ATF3: variants seen among roughly 807,000 people sequenced by gnomAD.
The protein encoded by ATF3 is cyclic AMP-dependent transcription factor ATF-3.
ATF3 carries 10 observed loss-of-function variants against 18.4 expected under a neutral mutation model. The observed-to-expected ratio is 0.54, with a 90% confidence interval of 0.34 to 0.92. The LOEUF (loss-of-function observed/expected upper bound fraction) is 0.92, where lower values mean the gene tolerates loss of function less well. ATF3 is among the 40% of genes least tolerant of loss of function. ATF3 has a pLI of 0.02. For synonymous variants in ATF3, 78 were observed against 87.9 expected, an observed-to-expected ratio of 0.89 and a Z score of 0.63; for missense variants, 183 against 222.3, an observed-to-expected ratio of 0.82 and a Z score of 1.12.
chr1:212,608,669 C>T (rs1372627182), upstream of ATF3: 12 of 152,418 alleles, frequency 7.9e-5, no homozygotes, highest in Non-Finnish European at 2.9e-5. Flanking sequence ...CTATTAATAG[C>T]ATTACGTCAG....
chr1:212,618,323 C>A lies in ATF3; in HGVS notation c.348+89C>A, dbSNP rs1378573948. On this transcript the variant is annotated intron_variant, in intron 3 of 3. Transcript: ENST00000341491. This position sits in a 1 kb window ranked among gnomAD's most constrained non-coding sequence, Gnocchi z 4.4. ...TATCAGAAGAAGAGTTAGAAAACCC[C>A]CTACTTGGTTATAGTTTCCCAAGAA... 1 of 1,362,110 alleles carries A rather than the reference C, an allele frequency of 7.3e-7. No homozygotes were observed. The highest frequency in any genetic ancestry group is 1.4e-5 in the African/African-American group (1 of 69,926). The allele number at this position is 1,362,110 out of a possible 1,614,324, so 84.4% of individuals were successfully genotyped here.
At position 212,619,144 on chromosome 1, in the gene ATF3, G is replaced by A. The variant is rs770096732; in HGVS notation, c.349-214G>A. 281 of 1,613,844 alleles carry A rather than the reference G, an allele frequency of 1.7e-4. No individual in the cohort carries two copies. Among genetic ancestry groups the A allele is most frequent in the Non-Finnish European group, 2.1e-4 (243 of 1,180,040 alleles). On this transcript the variant is annotated intron_variant, in intron 3 of 3. Transcript: ENST00000341491. The surrounding 1 kb of genome is among the most constrained non-coding windows in gnomAD (Gnocchi z 4.4). Reference sequence around the variant, plus strand: ...CAGCTTCAGTATTAGCAGAGCCACAGGCCGCCTCTGTGGCATCACCAGGGT... The same window carrying A: ...CAGCTTCAGTATTAGCAGAGCCACAAGCCGCCTCTGTGGCATCACCAGGGT...
Position 212,597,911 on chromosome 1 carries a change from GC to G in ATF3, c.-4-17103del, listed in dbSNP as rs1261338256. ...TTATTCTTTCCTGGATTCCATCTCA[GC>G]CCCTGGCACATGGTAGGCATTCAAG... On this transcript the variant is annotated intron_variant, in intron 1 of 3. Transcript: ENST00000366981. Among the ~76,000 whole-genome samples, 3 of 152,180 alleles carry G rather than the reference GC, an allele frequency of 2.0e-5. No individual in the cohort carries two copies. The East Asian group carries it at 5.8e-4, about 29-fold the overall frequency.
intron 1 of ATF3, among the ~76,000 whole-genome samples, chr1:212,574,670 G>A (rs1664542159): frequency 6.6e-6 from 1 of 151,982 alleles, no homozygotes; most frequent in Non-Finnish European, 1.5e-5. Context: ...TTTCACATCT[G>A]TGTCTTTAAT....
intron 1 of ATF3, among the ~76,000 whole-genome samples, chr1:212,595,002 A>G (rs987366815): frequency 6.6e-6 from 1 of 152,226 alleles, no homozygotes; most frequent in Non-Finnish European, 1.5e-5. Flanking sequence ...GGATAATTGC[A>G]GGGTTGTCAA....
intron 1 of ATF3, among the ~76,000 whole-genome samples, chr1:212,612,970 A>G (rs1278226006): frequency 1.3e-5 from 2 of 152,184 alleles, no homozygotes; most frequent in Non-Finnish European, 2.9e-5. Flanking sequence ...TAGTTCCTCA[A>G]TTCCTCATAG....
In ATF3 at chr1:212,618,771, A is replaced by G. The variant is rs918354885; in HGVS notation, c.348+537A>G. On this transcript the variant is annotated intron_variant, in intron 3 of 3. Coordinates refer to ENST00000341491, the MANE Select transcript of ATF3 (RefSeq NM_001674.4). The surrounding 1 kb of genome is among the most constrained non-coding windows in gnomAD (Gnocchi z 4.4). ...TCAGCCGGCCCGCCTGAGAGACACTAGGGGAAATAGCTTTTGTGGGCAAGC... is the reference window on the plus strand; with the variant it reads ...TCAGCCGGCCCGCCTGAGAGACACTGGGGGAAATAGCTTTTGTGGGCAAGC... 5.6e-6 allele frequency: 3 copies of G among 535,490 alleles called. No homozygotes were observed. The highest frequency in any genetic ancestry group is 1.0e-5 in the Non-Finnish European group (3 of 298,152). 33.2% of individuals were successfully genotyped at this position (535,490 alleles called of 1,614,324 possible). A position where few individuals can be genotyped will look rare whatever the true frequency, so the allele number is the denominator to read the frequency against.
chr1:212,569,613 T>G (rs1310367411), intron 1 of ATF3, among the ~76,000 whole-genome samples: 1 of 152,088 alleles, frequency 6.6e-6, no homozygotes. Flanking sequence ...GGCTTTTTTT[T>G]TTCACTCGAA....
chr1:212,598,472 T>C (rs1445874363), intron 1 of ATF3, among the ~76,000 whole-genome samples: 1 of 152,242 alleles, frequency 6.6e-6, no homozygotes, highest in African/African-American at 2.4e-5. Context: ...CTCAATCCAA[T>C]TATACTCTTC....
chr1:212,615,429 G>A (rs1287159581), intron 2 of ATF3, among the ~76,000 whole-genome samples, 168 bp downstream of exon 2: 1 of 152,110 alleles, frequency 6.6e-6, no homozygotes, highest in Non-Finnish European at 1.5e-5. Context: ...CATAACATAC[G>A]TAAGTACACG....
At chr1:212,586,533 C>T (rs1258119468) in intron 1 of ATF3, among the ~76,000 whole-genome samples, 5 of 152,182 alleles carry the variant, frequency 3.3e-5, no homozygotes, top group South Asian at 2.1e-4. Context: ...ATGACTACAT[C>T]GGTATGAGTT....
chr1:212,576,036 G>T (rs543702157), intron 1 of ATF3, among the ~76,000 whole-genome samples: 1 of 152,014 alleles, frequency 6.6e-6, no homozygotes, highest in East Asian at 1.9e-4. Flanking sequence ...AATTTTTGTC[G>T]TTTAAAGCAG....
chr1:212,567,016 G>A (rs1340145153), intron 1 of ATF3, among the ~76,000 whole-genome samples: 2 of 152,120 alleles, frequency 1.3e-5, no homozygotes, highest in Non-Finnish European at 2.9e-5. Flanking sequence ...ATTAACCTAG[G>A]GGTAGCGATT....
intron 1 of ATF3, among the ~76,000 whole-genome samples, chr1:212,585,666 C>T (rs1037519293): frequency 1.3e-5 from 2 of 152,208 alleles, no homozygotes; most frequent in Non-Finnish European, 2.9e-5. Flanking sequence ...TTTCTGAACC[C>T]TCCCTCTGTC....
chr1:212,579,660 C>T (rs545668753), intron 1 of ATF3, among the ~76,000 whole-genome samples: 3 of 152,248 alleles, frequency 2.0e-5, no homozygotes, highest in East Asian at 1.9e-4. Context: ...CTGGCTCTGC[C>T]CTTGCCTAGT....
At position 212,618,131 on chromosome 1, in the gene ATF3, C is replaced by A. The variant is rs1003046898; in HGVS notation, c.245C>A (p.Ala82Asp). The A allele has an allele frequency of 6.2e-7, 1 of 1,613,994 alleles. No individual in the cohort carries two copies. Residue 82 changes from alanine (A) to aspartate (D), a missense_variant, in exon 3 of 4, where the codon GCC (alanine) becomes GAC (aspartate). Physicochemically the swap from Ala to Asp is moderately radical, Grantham distance 126. Coordinates refer to ENST00000341491, the MANE Select transcript of ATF3 (RefSeq NM_001674.4). This position sits in a 1 kb window ranked among gnomAD's most constrained non-coding sequence, Gnocchi z 4.4. ...LGVSITKAEV[A>D]PEEDERKKRR... ...TGTTTCTTTTGGATTTTACAGGTAG[C>A]CCCTGAAGAAGATGAAAGGAAAAAG...
chr1:212,580,465 C>T (rs1281766645), intron 1 of ATF3, among the ~76,000 whole-genome samples: 2 of 152,106 alleles, frequency 1.3e-5, no homozygotes, highest in African/African-American at 2.4e-5. Flanking sequence ...CAGGTGCATA[C>T]CACCACACCA....
Position 212,618,213 on chromosome 1 carries a change from G to A in ATF3, c.327G>A (p.Glu109=), listed in dbSNP as rs1366697799. Residue 109 remains glutamate (E), a synonymous_variant, in exon 3 of 4, where the codon GAG becomes GAA. Coordinates refer to ENST00000341491, the MANE Select transcript of ATF3 (RefSeq NM_001674.4). This position sits in a 1 kb window ranked among gnomAD's most constrained non-coding sequence, Gnocchi z 4.4. ...CAAAGTGCCGAAACAAGAAGAAGGAGAAGACGGAGTGCCTGCAGAAAGTGA... is the reference window on the plus strand; with the variant it reads ...CAAAGTGCCGAAACAAGAAGAAGGAAAAGACGGAGTGCCTGCAGAAAGTGA... ...AAAKCRNKKK[E]KTECLQKESE... 1 of 1,614,090 alleles carries A rather than the reference G, an allele frequency of 6.2e-7. No homozygotes were observed. The highest frequency in any genetic ancestry group is 2.2e-5 in the East Asian group (1 of 44,884).
chr1:212,618,385 A>G lies in ATF3; in HGVS notation c.348+151A>G. 1 of 806,514 alleles carries G rather than the reference A, an allele frequency of 1.2e-6. No individual in the cohort carries two copies. The highest frequency in any genetic ancestry group is 2.5e-5 in the East Asian group (1 of 40,536). The allele number at this position is 806,514 out of a possible 1,614,324, so 50.0% of individuals were successfully genotyped here. ...CTGGTAGCAGAAATGCCAGTTGCAG[A>G]ATGAGGAGGTGGCAAAGCAGTTAAC... On this transcript the variant is annotated intron_variant, in intron 3 of 3. Coordinates refer to ENST00000341491, the MANE Select transcript of ATF3 (RefSeq NM_001674.4). This position sits in a 1 kb window ranked among gnomAD's most constrained non-coding sequence, Gnocchi z 4.4.
Sources: gnomAD v4.1 joint callset for allele counts (sites outside exome capture counted in the v4.1 genomes callset) on GRCh38, gnomAD v4.1.1 for gene constraint, Gnocchi (gnomAD v3.1) non-coding constraint, MANE v1.5 for transcripts, NCBI Gene and HGNC (gene_info 2026-07-23, HGNC 2026-07-21) for gene names.